The following CBFA2T2 variants were observed in gnomAD, a reference collection of about 807,000 sequenced individuals.
The protein encoded by CBFA2T2 is protein CBFA2T2.
In CBFA2T2, 11 loss-of-function variants were observed where a neutral mutation model predicts 62.2. The observed-to-expected ratio is 0.18, with a 90% confidence interval of 0.11 to 0.29. The LOEUF is 0.29. Ranked by LOEUF, CBFA2T2 falls within the 10% of genes least tolerant of loss-of-function variation. The pLI is 1.00. For missense variants in CBFA2T2, 592 were observed against 774.1 expected (o/e 0.76, Z 2.79); for synonymous variants, 295 against 287.5 (o/e 1.03, Z -0.27).
intron 1 of CBFA2T2, among the ~76,000 whole-genome samples, chr20:33,526,000 GGTGATT>G (rs567704245): frequency 5.9e-4 from 90 of 152,168 alleles, no homozygotes; most frequent in Non-Finnish European, 1.1e-3. Flanking sequence ...GTTTTTTATT[GGTGATT>G]GGCCTTCAAG....
intron 8 of CBFA2T2, among the ~76,000 whole-genome samples, chr20:33,631,130 C>T (rs544919981): frequency 5.9e-5 from 9 of 152,022 alleles, no homozygotes; most frequent in South Asian, 2.1e-4. Flanking sequence ...CTGGCTAACA[C>T]GGTGAAACCC....
intron 1 of CBFA2T2, among the ~76,000 whole-genome samples, chr20:33,503,326 C>T (rs1408270953): frequency 1.4e-5 from 2 of 142,032 alleles, no homozygotes; most frequent in Non-Finnish European, 3.0e-5. Context: ...GCAATCTCAG[C>T]TCACTGCAAC....
intron 1 of CBFA2T2, among the ~76,000 whole-genome samples, chr20:33,569,099 T>C (rs1186165378): frequency 6.6e-6 from 1 of 152,224 alleles, no homozygotes; most frequent in African/African-American, 2.4e-5. Flanking sequence ...AAAATTTTAG[T>C]CACTGCTTTA....
intron 1 of CBFA2T2, among the ~76,000 whole-genome samples, chr20:33,533,444 T>C (rs1490839313): frequency 1.3e-5 from 2 of 152,238 alleles, no homozygotes; most frequent in African/African-American, 4.8e-5. Flanking sequence ...TTTTTAGGTC[T>C]GGTTTCTTTC....
chr20:33,572,828 G>A (rs373646742), intron 1 of CBFA2T2, among the ~76,000 whole-genome samples: 1 of 152,320 alleles, frequency 6.6e-6, no homozygotes, highest in African/African-American at 2.4e-5. Context: ...GCAGTAATGT[G>A]ATCTGATTTA....
At chr20:33,588,266 G>C (rs1471991357) in intron 1 of CBFA2T2, among the ~76,000 whole-genome samples, 1 of 151,822 alleles carries the variant, frequency 6.6e-6, no homozygotes, top group Non-Finnish European at 1.5e-5. Flanking sequence ...TAACTTTGTT[G>C]AAGTGTTAAT....
chr20:33,575,210 A>G (rs2013768092), intron 1 of CBFA2T2, among the ~76,000 whole-genome samples: 1 of 152,218 alleles, frequency 6.6e-6, no homozygotes, highest in Non-Finnish European at 1.5e-5. Flanking sequence ...GTTCTGAAAC[A>G]CTTATTTTCT....
intron 1 of CBFA2T2, among the ~76,000 whole-genome samples, chr20:33,511,935 T>C (rs142276823): frequency 0.01 from 1,531 of 152,148 alleles, 15 homozygotes; most frequent in Non-Finnish European, 0.017. Flanking sequence ...CCCAGCACTT[T>C]GGAAGGCCAA....
intron 1 of CBFA2T2, among the ~76,000 whole-genome samples, chr20:33,559,239 G>A (rs1297107038): frequency 6.8e-6 from 1 of 146,362 alleles, no homozygotes; most frequent in Non-Finnish European, 1.5e-5. Context: ...GTACAATGGG[G>A]CAATCTTGGC....
chr20:33,594,253 ACTCTGTT>A (rs1252744748), intron 1 of CBFA2T2, among the ~76,000 whole-genome samples: 1 of 151,730 alleles, frequency 6.6e-6, no homozygotes, highest in Non-Finnish European at 1.5e-5. Context: ...ACGGAGTCTC[ACTCTGTT>A]GCCCAGGCTG....
intron 2 of CBFA2T2, 25 bp downstream of exon 2, chr20:33,607,124 T>C (rs1400475221): frequency 6.2e-7 from 1 of 1,605,086 alleles, no homozygotes; most frequent in East Asian, 2.2e-5. Flanking sequence ...TTACTTATGT[T>C]TGTAGTTCAG....
At chr20:33,551,259 C>A (rs1317344596) in intron 1 of CBFA2T2, among the ~76,000 whole-genome samples, 2 of 151,566 alleles carry the variant, frequency 1.3e-5, no homozygotes, top group Non-Finnish European at 2.9e-5. Flanking sequence ...TGTTGTCGCC[C>A]AGGCTGGAGT....
intron 1 of CBFA2T2, among the ~76,000 whole-genome samples, chr20:33,523,271 T>TA (rs2011784179): frequency 6.6e-6 from 1 of 152,064 alleles, no homozygotes; most frequent in South Asian, 2.1e-4. Flanking sequence ...AGGCTTTATT[T>TA]TTTATTTATT....
chr20:33,521,110 G>C (rs1160024158), intron 1 of CBFA2T2, among the ~76,000 whole-genome samples: 1 of 150,800 alleles, frequency 6.6e-6, no homozygotes, highest in Non-Finnish European at 1.5e-5. Flanking sequence ...AGGCTTTAGG[G>C]GGAGAAGAAA....
intron 1 of CBFA2T2, among the ~76,000 whole-genome samples, chr20:33,549,765 G>A (rs1178944718): frequency 6.6e-6 from 1 of 151,954 alleles, no homozygotes; most frequent in East Asian, 1.9e-4. Context: ...GTTGGCAGGG[G>A]CAGAGGGACA....
rs965935060 is a variant in CBFA2T2 at position 33,649,260 on chromosome 20, C to A, written c.*4614C>A. On this transcript the variant is annotated 3_prime_UTR_variant, in exon 11 of 11. Coordinates refer to ENST00000342704, the MANE Select transcript of CBFA2T2 (RefSeq NM_001032999.3). The stretch of plus-strand genomic sequence containing the variant: ...GAGCATGGACTGTTCCAGCACGGGC[C>A]AGATGGCCAGCTGTCGAGAGCAGCC... The A allele has an allele frequency of 2.0e-5, 3 of 152,440 alleles. No homozygotes were observed. The highest frequency in any genetic ancestry group is 1.3e-4 in the Admixed American group (2 of 15,282). The allele number at this position is 152,440 out of a possible 1,614,324, so 9.4% of individuals were successfully genotyped here. A position where few individuals can be genotyped will look rare whatever the true frequency, so the allele number is the denominator to read the frequency against.
chr20:33,518,053 A>G (rs2011635089), intron 1 of CBFA2T2, among the ~76,000 whole-genome samples: 1 of 151,936 alleles, frequency 6.6e-6, no homozygotes, highest in Non-Finnish European at 1.5e-5. Flanking sequence ...GGTTCAAGTG[A>G]TTCTCCTGCC....
At chr20:33,599,976 A>G (rs2015049347) in intron 1 of CBFA2T2, among the ~76,000 whole-genome samples, 1 of 152,114 alleles carries the variant, frequency 6.6e-6, no homozygotes, top group Non-Finnish European at 1.5e-5. Context: ...GTTTCTGGCC[A>G]TCTCGGCATA....
rs146863137 is a variant in CBFA2T2, at chr20:33,529,087, G to T, written c.34+38786G>T. On this transcript the variant is annotated intron_variant, in intron 1 of 10. Coordinates refer to ENST00000342704, the MANE Select transcript of CBFA2T2 (RefSeq NM_001032999.3). ...GTCGCCCAGGCTGGAGTGCAGTGGC[G>T]CAATCTCAGTTCACTGCAAGCTCCG... Among the ~76,000 whole-genome samples the T allele has an allele frequency of 3.4e-4, 52 of 152,108 alleles. No homozygotes were observed. The East Asian group carries it at 9.9e-3, about 29-fold the overall frequency.
Sources: gnomAD v4.1 joint callset for allele counts (sites outside exome capture counted in the v4.1 genomes callset) on GRCh38, gnomAD v4.1.1 for gene constraint, MANE v1.5 for transcripts, NCBI Gene and HGNC (gene_info 2026-07-23, HGNC 2026-07-21) for gene names.